Variants in CERS6 observed in about 807,000 individuals in gnomAD.
CERS6 encodes the protein LAG1 homolog, ceramide synthase 6.
Under a neutral mutation model 56.8 loss-of-function variants are expected in CERS6, and 26 were observed. That is an observed-to-expected ratio of 0.46 (90% CI 0.34 to 0.63). The LOEUF is 0.63. Ranked by LOEUF, CERS6 falls within the 30% of genes least tolerant of loss-of-function variation. The probability of loss-of-function intolerance (pLI) is 0.01; values close to 1 mark genes in which losing one functional copy is unlikely to be tolerated. For synonymous variants in CERS6, 164 were observed against 173.3 expected (o/e 0.95, Z 0.42); for missense variants, 415 against 467.5 (o/e 0.89, Z 1.04).
At chr2:168,468,705 T>A (rs9653285) in intron 1 of CERS6, among the ~76,000 whole-genome samples, 11,636 of 152,272 alleles carry the variant, frequency 0.076, 496 homozygotes, top group East Asian at 0.18. Context: ...CATAGACCTC[T>A]TTCCTGCATA....
chr2:168,553,335 A>G (rs536760633), intron 2 of CERS6, among the ~76,000 whole-genome samples: 2 of 152,320 alleles, frequency 1.3e-5, no homozygotes, highest in African/African-American at 4.8e-5. Context: ...ATTTTTTCCT[A>G]AGATAAATGG....
At chr2:168,673,282 G>T (rs10490710) in intron 4 of CERS6, among the ~76,000 whole-genome samples, 4 of 152,118 alleles carry the variant, frequency 2.6e-5, no homozygotes, top group African/African-American at 9.7e-5. Context: ...CAACATTACA[G>T]AATTGCACAA....
chr2:168,460,618 A>G (rs577817232), intron 1 of CERS6, among the ~76,000 whole-genome samples: 1 of 152,358 alleles, frequency 6.6e-6, no homozygotes, highest in African/African-American at 2.4e-5. Flanking sequence ...AAAAAGCTAC[A>G]GTATTTCAGA....
rs142143374 is a variant in CERS6 at position 168,749,279 on chromosome 2, C to T, written c.846-16313C>T. On this transcript the variant is annotated intron_variant, in intron 8 of 9. Transcript: ENST00000305747. Reference sequence around the variant, plus strand: ...GTTTAAGTTGACCCCTCTTCGCTATCTGAATCCCCACACTCATAACCATGG... The same window carrying T: ...GTTTAAGTTGACCCCTCTTCGCTATTTGAATCCCCACACTCATAACCATGG... 3.1e-3 allele frequency among the ~76,000 whole-genome samples: 471 copies of T among 152,306 alleles called. 2 individuals are homozygous for T. The highest frequency in any genetic ancestry group is 0.011 in the African/African-American group (450 of 41,560).
intron 4 of CERS6, among the ~76,000 whole-genome samples, chr2:168,642,424 G>T (rs1047094880): frequency 6.6e-6 from 1 of 152,160 alleles, no homozygotes; most frequent in African/African-American, 2.4e-5. Flanking sequence ...TTTGTCTTTT[G>T]TCTTGTGTTT....
At chr2:168,732,690 C>T (rs1683579056) in intron 8 of CERS6, among the ~76,000 whole-genome samples, 1 of 152,186 alleles carries the variant, frequency 6.6e-6, no homozygotes, top group Admixed American at 6.5e-5. Flanking sequence ...CTTTGGGCAA[C>T]CCATACCAGA....
intron 1 of CERS6, among the ~76,000 whole-genome samples, chr2:168,537,900 G>A (rs1165665512): frequency 6.6e-6 from 1 of 152,122 alleles, no homozygotes; most frequent in African/African-American, 2.4e-5. Flanking sequence ...CTGAAGTCAT[G>A]AACTTCAGCC....
chr2:168,520,144 C>T (rs1455943265), intron 1 of CERS6, among the ~76,000 whole-genome samples: 1 of 152,134 alleles, frequency 6.6e-6, no homozygotes, highest in Non-Finnish European at 1.5e-5. Context: ...GAGATCTTAT[C>T]TCACTGTGGT....
At chr2:168,658,870 G>C (rs1685557561) in intron 4 of CERS6, among the ~76,000 whole-genome samples, 1 of 152,144 alleles carries the variant, frequency 6.6e-6, no homozygotes, top group Admixed American at 6.5e-5. Flanking sequence ...ACATTAGACG[G>C]GCCCCCTCAG....
chr2:168,460,321 A>G (rs977987166), intron 1 of CERS6, among the ~76,000 whole-genome samples: 5 of 151,690 alleles, frequency 3.3e-5, no homozygotes, highest in Non-Finnish European at 7.4e-5. Flanking sequence ...CAGCCTCACG[A>G]GTAGCTAGGA....
At chr2:168,575,395 T>C (rs1206113932) in intron 3 of CERS6, among the ~76,000 whole-genome samples, 3 of 152,050 alleles carry the variant, frequency 2.0e-5, no homozygotes, top group Non-Finnish European at 4.4e-5. Context: ...AGGCACGTCT[T>C]ACATGGTGGA....
chr2:168,613,151 T>C (rs985489215), intron 3 of CERS6, among the ~76,000 whole-genome samples: 1 of 152,210 alleles, frequency 6.6e-6, no homozygotes, highest in Non-Finnish European at 1.5e-5. Flanking sequence ...TGAATAATAG[T>C]GTCCTTGACA....
intron 1 of CERS6, among the ~76,000 whole-genome samples, chr2:168,532,011 A>G (rs1250607779): frequency 6.6e-6 from 1 of 152,220 alleles, no homozygotes; most frequent in African/African-American, 2.4e-5. Context: ...TTTTGTAAGC[A>G]TAGTAACTAG....
At chr2:168,560,408 G>A (rs1230746358) in intron 2 of CERS6, among the ~76,000 whole-genome samples, 1 of 152,102 alleles carries the variant, frequency 6.6e-6, no homozygotes, top group Non-Finnish European at 1.5e-5. Flanking sequence ...AATTTAGGTT[G>A]GTAAACAACC....
chr2:168,631,439 AT>A (rs1194132842), intron 4 of CERS6, among the ~76,000 whole-genome samples: 17 of 131,112 alleles, frequency 1.3e-4, no homozygotes, highest in Non-Finnish European at 1.1e-4. Context: ...GTAAATATAT[AT>A]TTATATTATA....
chr2:168,585,037 A>G (rs1559008897), intron 3 of CERS6, among the ~76,000 whole-genome samples: 1 of 152,260 alleles, frequency 6.6e-6, no homozygotes, highest in Non-Finnish European at 1.5e-5. Context: ...AAGAAATGCC[A>G]ACTCCATATT....
intron 4 of CERS6, among the ~76,000 whole-genome samples, chr2:168,665,577 T>G (rs1301240103): frequency 6.6e-6 from 1 of 152,172 alleles, no homozygotes; most frequent in East Asian, 1.9e-4. Context: ...TAACCTTCTC[T>G]TCATTTTCAT....
At chr2:168,596,737 A>G (rs1303498593) in intron 3 of CERS6, among the ~76,000 whole-genome samples, 4 of 151,786 alleles carry the variant, frequency 2.6e-5, no homozygotes, top group Admixed American at 1.3e-4. Context: ...GGTGTTTTTA[A>G]TAGAGATGGG....
chr2:168,513,914 T>G (rs1362371521), intron 1 of CERS6, among the ~76,000 whole-genome samples: 1 of 152,140 alleles, frequency 6.6e-6, no homozygotes, highest in Non-Finnish European at 1.5e-5. Flanking sequence ...CCACCTCCCC[T>G]CAGCTTTGCC....
Sources: gnomAD v4.1 joint callset for allele counts (sites outside exome capture counted in the v4.1 genomes callset) on GRCh38, gnomAD v4.1.1 for gene constraint, MANE v1.5 for transcripts, NCBI Gene and HGNC (gene_info 2026-07-23, HGNC 2026-07-21) for gene names.